Variants in ATRX observed in about 807,000 individuals in gnomAD.
The protein encoded by ATRX is ATRX chromatin remodeler.
ATRX carries 12 observed loss-of-function variants against 172.6 expected under a neutral mutation model. That is an observed-to-expected ratio of 0.07 (90% CI 0.04 to 0.11). ATRX has a LOEUF of 0.11. Ranked by LOEUF, ATRX falls within the 10% of genes least tolerant of loss-of-function variation. The pLI, the probability that ATRX is intolerant of heterozygous loss-of-function variation, is 1.00. For synonymous variants in ATRX, 674 were observed against 594.7 expected, an observed-to-expected ratio of 1.13 and a Z score of -1.94; for missense variants, 1,368 against 1,767.4, an observed-to-expected ratio of 0.77 and a Z score of 4.05.
chrX:77,534,589 G>A (rs891294072), intron 30 of ATRX, among the ~76,000 whole-genome samples: 1 of 111,343 alleles, frequency 9.0e-6, no homozygotes, highest in South Asian at 3.8e-4. Context: ...ATCAAAATGA[G>A]ATTTAAATTA....
chrX:77,697,516 A>T (rs377711110), intron 4 of ATRX, 67 bp downstream of exon 4: 1 of 1,114,047 alleles, frequency 9.0e-7, no homozygotes, highest in Non-Finnish European at 1.2e-6. Context: ...AGAAAAAAAC[A>T]TGGTTTTAGA....
At chrX:77,766,145 C>G (rs1159437955) in intron 1 of ATRX, among the ~76,000 whole-genome samples, 1 of 112,774 alleles carries the variant, frequency 8.9e-6, no homozygotes, top group African/African-American at 3.2e-5. Context: ...CACCTTTCCC[C>G]CCTTTCTATT....
At chrX:77,714,397 C>T (rs1268653710) in intron 2 of ATRX, among the ~76,000 whole-genome samples, 1 of 111,823 alleles carries the variant, frequency 8.9e-6, no homozygotes, top group Non-Finnish European at 1.9e-5. Flanking sequence ...TTTTAAGCTG[C>T]AAACTTTGTG....
chrX:77,745,908 T>C (rs1557184654), intron 1 of ATRX, among the ~76,000 whole-genome samples: 1 of 111,601 alleles, frequency 9.0e-6, no homozygotes, highest in Non-Finnish European at 1.9e-5. Flanking sequence ...AATATACCTA[T>C]GTACACACAA....
intron 28 of ATRX, among the ~76,000 whole-genome samples, chrX:77,559,242 T>G (rs17139564): frequency 0.037 from 3,999 of 109,011 alleles, 115 homozygotes; most frequent in African/African-American, 0.1. Flanking sequence ...TAGGTGAATA[T>G]GTAGGGGTGA....
intron 19 of ATRX, among the ~76,000 whole-genome samples, chrX:77,627,106 G>C (rs890864352): frequency 9.0e-6 from 1 of 111,355 alleles, no homozygotes; most frequent in Non-Finnish European, 1.9e-5. Flanking sequence ...GGTGGCAGGC[G>C]CCTGTAGTCC....
chrX:77,754,268 C>G (rs1471879652), intron 1 of ATRX, among the ~76,000 whole-genome samples: 6 of 111,017 alleles, frequency 5.4e-5, no homozygotes, highest in African/African-American at 2.0e-4. Context: ...ATACAGCACA[C>G]CAATGGGTCT....
At chrX:77,592,532 G>A (rs184989880) in intron 26 of ATRX, among the ~76,000 whole-genome samples, 138 of 111,306 alleles carry the variant, frequency 1.2e-3, no homozygotes, top group African/African-American at 4.4e-3. Context: ...GTTTTTGGAG[G>A]CCGGGCGTGG....
intron 22 of ATRX, chrX:77,616,293 T>C (rs1387153581): frequency 2.2e-6 from 2 of 901,409 alleles, no homozygotes; most frequent in East Asian, 5.9e-5. Flanking sequence ...AAATACTTTT[T>C]AAAAAAATAC....
intron 1 of ATRX, among the ~76,000 whole-genome samples, chrX:77,777,380 CAACAAAACAA>C (rs199850537): frequency 0.043 from 4,579 of 106,469 alleles, 134 homozygotes; most frequent in Non-Finnish European, 0.07. Context: ...GACTCCGTCT[CAACAAAACAA>C]AACAAAACAA....
chrX:77,710,851 G>A (rs2073075388), intron 2 of ATRX, among the ~76,000 whole-genome samples: 1 of 110,230 alleles, frequency 9.1e-6, no homozygotes, highest in African/African-American at 3.3e-5. Flanking sequence ...GAGGAATCCT[G>A]TGTTGATGAA....
chrX:77,684,739 T>G (rs1284775469), intron 8 of ATRX, 146 bp from the exon 9 acceptor site: 4 of 790,582 alleles, frequency 5.1e-6, no homozygotes, highest in Non-Finnish European at 7.3e-6. Context: ...TGCCAGTAAT[T>G]TTAGTGGTAA....
chrX:77,743,447 C>T (rs2074954482), intron 1 of ATRX, among the ~76,000 whole-genome samples: 1 of 111,047 alleles, frequency 9.0e-6, no homozygotes, highest in South Asian at 3.8e-4. Flanking sequence ...CTCTACCAGG[C>T]TTTGACCTGG....
intron 27 of ATRX, among the ~76,000 whole-genome samples, chrX:77,583,241 C>T (rs1229192965): frequency 1.8e-5 from 2 of 111,336 alleles, no homozygotes; most frequent in East Asian, 2.8e-4. Context: ...CCCATATGAT[C>T]GCCGGGGTGT....
intron 24 of ATRX, 41 bp downstream of exon 24, chrX:77,599,691 C>A (rs782471824): frequency 8.4e-7 from 1 of 1,189,946 alleles, no homozygotes. Context: ...GGGGTTTTAA[C>A]TTTGTCAATA....
chrX:77,512,737 C>T (rs1263505615), intron 34 of ATRX, among the ~76,000 whole-genome samples: 1 of 110,299 alleles, frequency 9.1e-6, no homozygotes, highest in Admixed American at 9.7e-5. Flanking sequence ...CGCATGGTGG[C>T]GGGTGCTTAT....
chrX:77,658,956 CA>C (rs1330544278), intron 12 of ATRX, among the ~76,000 whole-genome samples: 3 of 111,662 alleles, frequency 2.7e-5, no homozygotes, highest in African/African-American at 6.5e-5. Context: ...AGATCAGAAT[CA>C]AAGATCTATT....
chrX:77,510,346 G>A (rs899779094), intron 34 of ATRX, among the ~76,000 whole-genome samples: 68 of 109,261 alleles, frequency 6.2e-4, no homozygotes, highest in Non-Finnish European at 5.1e-4. Context: ...CTACCTTCAG[G>A]TGTGACATAG....
intron 9 of ATRX, among the ~76,000 whole-genome samples, chrX:77,680,217 C>T (rs1423273828): frequency 9.0e-6 from 1 of 111,567 alleles, no homozygotes; most frequent in African/African-American, 3.3e-5. Context: ...AATTCTGAAA[C>T]ACAACAGACC....
Sources: gnomAD v4.1 joint callset for allele counts (sites outside exome capture counted in the v4.1 genomes callset) on GRCh38, gnomAD v4.1.1 for gene constraint, MANE v1.5 for transcripts, NCBI Gene and HGNC (gene_info 2026-07-23, HGNC 2026-07-21) for gene names.